FAM229B: variants seen among roughly 807,000 people sequenced by gnomAD.
The protein encoded by FAM229B is protein FAM229B.
In FAM229B, 2 loss-of-function variants were observed where a neutral mutation model predicts 6.7. The observed-to-expected ratio is 0.30, with a 90% CI of 0.12 to 0.94. FAM229B has a LOEUF of 0.94. Among genes scored for constraint, FAM229B ranks in the 40% least tolerant of loss-of-function variants. The pLI is 0.54. For missense variants in FAM229B, 93 were observed against 96.2 expected (o/e 0.97, Z 0.14); for synonymous variants, 29 against 34.0 (o/e 0.85, Z 0.51).
intron 1 of FAM229B, among the ~76,000 whole-genome samples, chr6:112,088,776 A>G (rs1777215243): frequency 6.6e-6 from 1 of 152,166 alleles, no homozygotes. Context: ...GGGGCTTCCA[A>G]AATTTGCAAG....
chr6:112,091,338 G>T (rs1554318166), intron 1 of FAM229B, among the ~76,000 whole-genome samples: 2 of 152,128 alleles, frequency 1.3e-5, no homozygotes, highest in East Asian at 3.9e-4. Context: ...TCCTTGCATG[G>T]ATTCATGGAA....
rs587604370 is a variant in FAM229B, at chr6:112,087,717, G to A, written c.-179G>A. ...GCAGCTCCGGAGGCCGGGGTAACTG[G>A]CAGGTAACTAGGCTTTGGAGTGGTA... is the stretch of plus-strand genomic sequence containing the variant. On this transcript the variant is annotated 5_prime_UTR_variant, in exon 1 of 4. Transcript: ENST00000368656. 6.8e-5 allele frequency: 32 copies of A among 470,390 alleles called. No homozygotes were observed. Among genetic ancestry groups the A allele is most frequent in the African/African-American group, 6.4e-4 (32 of 50,102 alleles). The allele number at this position is 470,390 out of a possible 1,614,324, so 29.1% of individuals were successfully genotyped here.
At chr6:112,100,377 T>C (rs1777380537) in intron 3 of FAM229B, among the ~76,000 whole-genome samples, 2 of 152,248 alleles carry the variant, frequency 1.3e-5, no homozygotes, top group African/African-American at 2.4e-5. Flanking sequence ...TATGCACTTT[T>C]GTTTTGCCAT....
intron 1 of FAM229B, among the ~76,000 whole-genome samples, chr6:112,095,657 AAAAC>A (rs1777313629): frequency 7.1e-6 from 1 of 141,136 alleles, no homozygotes; most frequent in Non-Finnish European, 1.5e-5. Flanking sequence ...AAAAAAAAAA[AAAAC>A]CAAAAAAAAA....
chr6:112,087,631 C>T lies in FAM229B; in HGVS notation c.-265C>T, dbSNP rs1336600250. 1 of 610,740 alleles carries T rather than the reference C, an allele frequency of 1.6e-6. No homozygotes were observed. The highest frequency in any genetic ancestry group is 2.9e-6 in the Non-Finnish European group (1 of 349,428). 37.8% of individuals were successfully genotyped at this position (610,740 alleles called of 1,614,324 possible). A position where few individuals can be genotyped will look rare whatever the true frequency, so the allele number is the denominator to read the frequency against. Reference sequence around the variant, plus strand: ...AAGTGCACTTGCGTGTCACCGTTACCGTAGCGACTGGGCTTCTGGACTGTA... The same window carrying T: ...AAGTGCACTTGCGTGTCACCGTTACTGTAGCGACTGGGCTTCTGGACTGTA... On this transcript the variant is annotated 5_prime_UTR_variant, in exon 1 of 4. Coordinates refer to ENST00000368656, the MANE Select transcript of FAM229B (RefSeq NM_001033564.3).
intron 1 of FAM229B, among the ~76,000 whole-genome samples, chr6:112,093,381 A>G (rs367970237): frequency 2.0e-4 from 30 of 152,212 alleles, no homozygotes; most frequent in African/African-American, 6.5e-4. Flanking sequence ...CTGAAGTAAA[A>G]ACTGCAGAAT....
intron 1 of FAM229B, among the ~76,000 whole-genome samples, chr6:112,090,945 A>C (rs1554318133): frequency 6.6e-6 from 1 of 152,182 alleles, no homozygotes; most frequent in African/African-American, 2.4e-5. Context: ...TAGATCTATA[A>C]AACTTATTCC....
chr6:112,096,120 T>C (rs1392692867), intron 1 of FAM229B, among the ~76,000 whole-genome samples: 1 of 152,132 alleles, frequency 6.6e-6, no homozygotes, highest in Non-Finnish European at 1.5e-5. Flanking sequence ...AAACTAAACA[T>C]TACTGAGTAG....
chr6:112,097,617 T>G (rs1413650525), intron 2 of FAM229B, among the ~76,000 whole-genome samples: 1 of 151,990 alleles, frequency 6.6e-6, no homozygotes, highest in Non-Finnish European at 1.5e-5. Flanking sequence ...TTGAAAACAT[T>G]GTGTACTAAT....
chr6:112,095,998 A>G (rs1777320205), intron 1 of FAM229B, among the ~76,000 whole-genome samples: 1 of 152,258 alleles, frequency 6.6e-6, no homozygotes, highest in Admixed American at 6.5e-5. Context: ...AACTTGAGTC[A>G]TATGAAAACA....
intron 3 of FAM229B, among the ~76,000 whole-genome samples, chr6:112,100,070 A>G (rs1777376363): frequency 6.6e-6 from 1 of 152,256 alleles, no homozygotes; most frequent in Non-Finnish European, 1.5e-5. Context: ...AGTCAAGGAT[A>G]AAATGGGCTG....
chr6:112,098,538 T>G (rs1393587263), intron 2 of FAM229B, among the ~76,000 whole-genome samples: 1 of 152,202 alleles, frequency 6.6e-6, no homozygotes, highest in Non-Finnish European at 1.5e-5. Flanking sequence ...GTAGAAAATA[T>G]TATCACCAAT....
chr6:112,099,445 A>G, intron 3 of FAM229B, 37 bp downstream of exon 3: 2 of 1,572,704 alleles, frequency 1.3e-6, no homozygotes, highest in Non-Finnish European at 1.7e-6. Flanking sequence ...GGAGATATGT[A>G]TTGGCTATCA....
rs1423581002 is a variant in FAM229B, at chr6:112,087,877, A to G, written c.-176+157A>G. Among the ~76,000 whole-genome samples the G allele has an allele frequency of 2.0e-5, 3 of 152,166 alleles. No individual in the cohort carries two copies. In the East Asian group the frequency reaches 5.8e-4, roughly 29 times the overall value. ...GACGCTGCGTTGGCATCTCTGTTCA[A>G]CAAGCCCTTTATTCTAATAGAAAAT... On this transcript the variant is annotated intron_variant, in intron 1 of 3. Coordinates refer to ENST00000368656, the MANE Select transcript of FAM229B (RefSeq NM_001033564.3).
rs1208042989 is a variant in FAM229B at position 112,092,349 on chromosome 6, A to G, written c.-176+4629A>G. 4.6e-5 allele frequency among the ~76,000 whole-genome samples: 7 copies of G among 152,108 alleles called. 1 individual carries two copies. Among genetic ancestry groups the G allele is most frequent in the African/African-American group, 1.7e-4 (7 of 41,436 alleles). On this transcript the variant is annotated intron_variant, in intron 1 of 3. Coordinates refer to ENST00000368656, the MANE Select transcript of FAM229B (RefSeq NM_001033564.3). Reference sequence around the variant, plus strand: ...TATTACATATAGAGGAACAAAGATAAAAAAATCAACAGACTTCTTGTTGGG... The same window carrying G: ...TATTACATATAGAGGAACAAAGATAGAAAAATCAACAGACTTCTTGTTGGG...
intron 1 of FAM229B, among the ~76,000 whole-genome samples, chr6:112,094,091 A>G (rs1777291507): frequency 1.3e-5 from 2 of 152,138 alleles, no homozygotes; most frequent in Admixed American, 6.5e-5. Context: ...TTAAATGTTT[A>G]CATTAGAAAA....
At chr6:112,089,115 G>T (rs1777222233) in intron 1 of FAM229B, among the ~76,000 whole-genome samples, 1 of 152,196 alleles carries the variant, frequency 6.6e-6, no homozygotes, top group Admixed American at 6.5e-5. Flanking sequence ...ATAAGCAAGA[G>T]AAATGTTTTT....
At chr6:112,095,217 C>T (rs782085049) in intron 1 of FAM229B, among the ~76,000 whole-genome samples, 13 of 152,146 alleles carry the variant, frequency 8.5e-5, no homozygotes, top group South Asian at 4.1e-4. Flanking sequence ...CAGTTATTGG[C>T]TTTATACATG....
chr6:112,100,846 TG>T lies in FAM229B; in HGVS notation c.*61del. 8.3e-7 allele frequency: 1 copy of T among 1,210,100 alleles called. No individual in the cohort carries two copies. The highest frequency in any genetic ancestry group is 1.2e-6 in the Non-Finnish European group (1 of 820,316). 75.0% of individuals were successfully genotyped at this position (1,210,100 alleles called of 1,614,324 possible). On this transcript the variant is annotated 3_prime_UTR_variant, in exon 4 of 4. Transcript: ENST00000368656. ...TCAAGGGTAATGGACCAGTATCATC[TG>T]GTGATCTGGTAAACAAATAAAAGTG...
Sources: allele counts gnomAD v4.1 joint callset (sites outside exome capture counted in the v4.1 genomes callset), GRCh38; gene constraint gnomAD v4.1.1; transcripts MANE v1.5; gene names NCBI Gene and HGNC (gene_info 2026-07-23, HGNC 2026-07-21).